Variants in WLS observed in about 807,000 individuals in gnomAD.
WLS encodes protein wntless homolog.
WLS carries 23 observed loss-of-function variants against 62.8 expected under a neutral mutation model. The observed-to-expected ratio is 0.37, with a 90% CI of 0.26 to 0.52. The LOEUF is 0.52. WLS is among the 20% of genes least tolerant of loss of function. The pLI is 0.92. For missense variants in WLS, 615 were observed against 697.3 expected (o/e 0.88, Z 1.33); for synonymous variants, 246 against 244.1 (o/e 1.01, Z -0.07).
chr1:68,154,134 C>T (rs983089502), intron 4 of WLS, among the ~76,000 whole-genome samples: 41 of 151,870 alleles, frequency 2.7e-4, no homozygotes, highest in East Asian at 1.9e-4. Flanking sequence ...CAGTGTACCC[C>T]CCAAAAAAGC....
chr1:68,148,276 T>G, intron 7 of WLS, 77 bp from the exon 8 acceptor site: 1 of 1,495,170 alleles, frequency 6.7e-7, no homozygotes, highest in Non-Finnish European at 9.3e-7. Context: ...CACATATTCT[T>G]AGCTTTTCAG....
At chr1:68,136,936 T>C (rs1646619211) in intron 11 of WLS, among the ~76,000 whole-genome samples, 1 of 152,246 alleles carries the variant, frequency 6.6e-6, no homozygotes, top group African/African-American at 2.4e-5. Flanking sequence ...AAGGGCTTCC[T>C]ATGTTTGGGG....
At chr1:68,159,452 G>C (rs1168881820) in intron 2 of WLS, among the ~76,000 whole-genome samples, 1 of 152,074 alleles carries the variant, frequency 6.6e-6, no homozygotes, top group Admixed American at 6.5e-5. Context: ...TGTCCACTCT[G>C]CCAGAGTCAA....
intron 7 of WLS, 75 bp downstream of exon 7, chr1:68,148,488 A>G (rs1313038176): frequency 1.4e-6 from 2 of 1,476,052 alleles, no homozygotes; most frequent in Non-Finnish European, 1.9e-6. Flanking sequence ...TCCTTTTCAA[A>G]CACTCCTCCT....
intron 5 of WLS, among the ~76,000 whole-genome samples, chr1:68,152,563 AC>A (rs1443064569): frequency 6.6e-6 from 1 of 152,132 alleles, no homozygotes; most frequent in Non-Finnish European, 1.5e-5. Context: ...ACAAAAAATG[AC>A]CTTTGGATTT....
rs778854489 is a variant in WLS, at chr1:68,194,063, C to T, written c.271G>A (p.Val91Met). The change falls in exon 2 of 12, where the codon GTG becomes ATG. Residue 91 changes from valine to methionine, a missense_variant. Val to Met is a conservative substitution (Grantham distance 21). Coordinates refer to ENST00000262348, the MANE Select transcript of WLS (RefSeq NM_024911.7). ...GGGAGGGGAATGTGAACAGAAAACA[C>T]GATGTCATTGGCTTCAATTTCCCTT... Reference protein sequence around the residue: ...IPREIEANDIVFSVHIPLPHM... With the variant: ...IPREIEANDIMFSVHIPLPHM... The T allele has an allele frequency of 1.5e-5, 24 of 1,614,102 alleles. No individual in the cohort carries two copies. In the South Asian group the frequency reaches 2.2e-4, roughly 15 times the overall value.
chr1:68,126,169 C>CTCTAGTTAG lies in WLS; in HGVS notation c.*48_*56dup. 2 of 1,603,938 alleles carry CTCTAGTTAG rather than the reference C, an allele frequency of 1.2e-6. No homozygotes were observed. Among genetic ancestry groups the CTCTAGTTAG allele is most frequent in the Non-Finnish European group, 1.7e-6 (2 of 1,175,088 alleles). ...TGAGCTCTCTCTGGCATGCTCCCCA[C>CTCTAGTTAG]TCTAGTTAGAGGGGCTGGGGTATGG... is the stretch of plus-strand genomic sequence containing the variant. On this transcript the variant is annotated 3_prime_UTR_variant, in exon 12 of 12. Transcript: ENST00000262348.
chr1:68,117,073 TCCTC>T (rs893692798), intron 11 of WLS, among the ~76,000 whole-genome samples: 6 of 151,706 alleles, frequency 4.0e-5, no homozygotes, highest in African/African-American at 1.2e-4. Context: ...TCAATTTCCT[TCCTC>T]CCTCCCTCCC....
At chr1:68,188,122 T>C (rs1557507021) in intron 2 of WLS, among the ~76,000 whole-genome samples, 1 of 152,210 alleles carries the variant, frequency 6.6e-6, no homozygotes, top group Non-Finnish European at 1.5e-5. Flanking sequence ...TGTCAGACTA[T>C]GCTCTAAACA....
At chr1:68,197,920 G>A (rs1178751690) in intron 1 of WLS, among the ~76,000 whole-genome samples, 1 of 152,158 alleles carries the variant, frequency 6.6e-6, no homozygotes, top group Non-Finnish European at 1.5e-5. Context: ...TATTTGTAAT[G>A]AAGGCCTTAC....
chr1:68,100,375 C>T (rs565750638), intron 11 of WLS, among the ~76,000 whole-genome samples: 1 of 152,264 alleles, frequency 6.6e-6, no homozygotes, highest in African/African-American at 2.4e-5. Context: ...ATTCTACCTT[C>T]TCCCAACTGT....
rs1650462028 is a variant in WLS, at chr1:68,232,218, C to T, written c.82G>A (p.Ala28Thr). 1.9e-6 allele frequency: 3 copies of T among 1,613,998 alleles called. No homozygotes were observed. In the Admixed American group the frequency reaches 5.0e-5, roughly 27 times the overall value. Residue 28 changes from alanine (A) to threonine (T), a missense_variant, in exon 1 of 12, where the codon GCC becomes ACC. Ala to Thr is a moderately conservative substitution (Grantham distance 58). Transcript: ENST00000262348. ...GGILLVFQII[A>T]FLVGGLIAPG... is the part of the protein sequence containing the mutation. ...CCAATCAAGCCTCCCACCAGAAAGG[C>T]GATGATTTGGAACACGAGCAGAATC...
chr1:68,223,674 C>G (rs1464482526), intron 1 of WLS, among the ~76,000 whole-genome samples: 1 of 152,150 alleles, frequency 6.6e-6, no homozygotes, highest in Non-Finnish European at 1.5e-5. Flanking sequence ...ATAGTAGATT[C>G]CAGTGATATT....
In WLS at chr1:68,159,148, A is replaced by C. The variant is rs781731523; in HGVS notation, c.479T>G (p.Leu160Arg). The C allele has an allele frequency of 4.3e-6, 7 of 1,614,124 alleles. No individual in the cohort carries two copies. The highest frequency in any genetic ancestry group is 5.9e-6 in the Non-Finnish European group (7 of 1,180,016). The stretch of plus-strand genomic sequence containing the variant: ...CTTGGGAGATGTGAAGGTGCATTTG[A>C]GTTTCCGTGGTACTCTTTCATGGGC... The part of the protein sequence containing the change: ...EMAHERVPRK[L>R]KCTFTSPKTP... The change falls in exon 3 of 12, where the codon CTC (leucine) becomes CGC (arginine). Residue 160 changes from leucine (L) to arginine (R), a missense_variant. Transcript: ENST00000262348.
rs528167925 is a variant in WLS, at chr1:68,148,770, G to A, written c.973-110C>T. 2.9e-5 allele frequency: 27 copies of A among 918,890 alleles called. No homozygotes were observed. In the East Asian group the frequency reaches 7.1e-4, roughly 24 times the overall value. The allele number at this position is 918,890 out of a possible 1,614,324, so 56.9% of individuals were successfully genotyped here. The stretch of plus-strand genomic sequence containing the variant: ...TTGCCGACCACCTATTGTGTATCAA[G>A]CACTATGCTAGATTCTAGGTATGAG... On this transcript the variant is annotated intron_variant, in intron 6 of 11. Coordinates refer to ENST00000262348, the MANE Select transcript of WLS (RefSeq NM_024911.7).
At chr1:68,108,502 G>T (rs561269630) in intron 11 of WLS, among the ~76,000 whole-genome samples, 3 of 152,248 alleles carry the variant, frequency 2.0e-5, no homozygotes, top group Admixed American at 2.0e-4. Flanking sequence ...AGCCCATAGT[G>T]TGCTATGGTC....
At chr1:68,169,871 C>A (rs1017908722) in intron 2 of WLS, among the ~76,000 whole-genome samples, 2 of 152,204 alleles carry the variant, frequency 1.3e-5, no homozygotes, top group East Asian at 3.9e-4. Flanking sequence ...TTCACTACCC[C>A]TTCTACCTAG....
At chr1:68,135,591 GCA>G (rs1646597615) in intron 11 of WLS, among the ~76,000 whole-genome samples, 2 of 152,186 alleles carry the variant, frequency 1.3e-5, no homozygotes, top group African/African-American at 4.8e-5. Flanking sequence ...AAGTGCTGTA[GCA>G]CACAGTCAGT....
intron 2 of WLS, among the ~76,000 whole-genome samples, chr1:68,186,285 T>A (rs1647932897): frequency 6.6e-6 from 1 of 152,100 alleles, no homozygotes; most frequent in South Asian, 2.1e-4. Context: ...AATTGAAAAA[T>A]TTAAAGGGAA....
Sources: gnomAD v4.1 joint callset for allele counts (sites outside exome capture counted in the v4.1 genomes callset) on GRCh38, gnomAD v4.1.1 for gene constraint, MANE v1.5 for transcripts, NCBI Gene and HGNC (gene_info 2026-07-23, HGNC 2026-07-21) for gene names.